The following CYP4F12 variants were observed in gnomAD, a reference collection of about 807,000 sequenced individuals.
CYP4F12 encodes the protein cytochrome P450 family 4 subfamily F member 12.
CYP4F12 carries 60 observed loss-of-function variants against 56.5 expected under a neutral mutation model. The observed-to-expected ratio is 1.06, with a 90% CI of 0.86 to 1.32. The LOEUF (loss-of-function observed/expected upper bound fraction) is 1.32. CYP4F12 is among the 40% of genes most tolerant of loss of function. CYP4F12 has a pLI of 0.00. For synonymous variants in CYP4F12, 263 were observed against 264.9 expected, an observed-to-expected ratio of 0.99 and a Z score of 0.07; for missense variants, 711 against 683.5, an observed-to-expected ratio of 1.04 and a Z score of -0.45.
At chr19:15,690,406 G>A (rs1234150708) in intron 9 of CYP4F12, among the ~76,000 whole-genome samples, 1 of 152,138 alleles carries the variant, frequency 6.6e-6, no homozygotes, top group Non-Finnish European at 1.5e-5. Flanking sequence ...TAGTCACCAT[G>A]CATGCAATAG....
chr19:15,694,272 T>C (rs1175367552), intron 9 of CYP4F12, among the ~76,000 whole-genome samples: 3 of 152,054 alleles, frequency 2.0e-5, no homozygotes, highest in South Asian at 2.1e-4. Context: ...CTATAAATTA[T>C]CTTGGGCAGT....
intron 2 of CYP4F12, among the ~76,000 whole-genome samples, chr19:15,675,479 G>A (rs1254132449): frequency 1.3e-5 from 2 of 152,180 alleles, no homozygotes; most frequent in Non-Finnish European, 2.9e-5. Context: ...GACCAACCAG[G>A]ACACAAAAGG....
intron 5 of CYP4F12, 144 bp downstream of exon 5, chr19:15,680,663 G>A (rs1417189916): frequency 1.8e-6 from 2 of 1,090,536 alleles, no homozygotes; most frequent in Non-Finnish European, 2.7e-6. Flanking sequence ...TCTGTAAAAT[G>A]GGGATGATAA....
At chr19:15,678,777 C>A (rs1377664096) in intron 3 of CYP4F12, among the ~76,000 whole-genome samples, 1 of 152,132 alleles carries the variant, frequency 6.6e-6, no homozygotes, top group African/African-American at 2.4e-5. Flanking sequence ...TATGTCTAGA[C>A]CAATAAGTAG....
intron 6 of CYP4F12, among the ~76,000 whole-genome samples, chr19:15,682,921 A>G (rs76011120): frequency 3.2e-4 from 48 of 152,312 alleles, no homozygotes; most frequent in Non-Finnish European, 5.7e-4. Context: ...TATTTTCAGT[A>G]GAGAGGGGGT....
chr19:15,678,480 C>A (rs1413060249), intron 3 of CYP4F12, 75 bp downstream of exon 3: 46 of 1,564,996 alleles, frequency 2.9e-5, no homozygotes, highest in Non-Finnish European at 3.8e-5. Context: ...CACGTCCCTC[C>A]TTGAGTACTC....
chr19:15,681,299 A>T (rs932947177), intron 5 of CYP4F12: 2 of 152,360 alleles, frequency 1.3e-5, no homozygotes, highest in Non-Finnish European at 2.9e-5. Flanking sequence ...TTGCTGAAAA[A>T]TTACTGTGGA....
chr19:15,694,534 G>A (rs1320827630), intron 9 of CYP4F12, among the ~76,000 whole-genome samples: 1 of 152,152 alleles, frequency 6.6e-6, no homozygotes, highest in Non-Finnish European at 1.5e-5. Context: ...TTTGTCCATT[G>A]ATTTTGTATC....
chr19:15,673,491 G>T, intron 1 of CYP4F12, 38 bp from the exon 2 acceptor site: 1 of 1,569,030 alleles, frequency 6.4e-7, no homozygotes. Flanking sequence ...TCTTCCCTGG[G>T]CCTCAGGTCC....
At position 15,677,208 on chromosome 19, in the gene CYP4F12, CACTT is replaced by C. The variant is rs1262053596; in HGVS notation, c.199-1049_199-1046del. 2.2e-5 allele frequency among the ~76,000 whole-genome samples: 3 copies of C among 133,338 alleles called. 1 individual carries two copies. Among genetic ancestry groups the C allele is most frequent in the Non-Finnish European group, 4.8e-5 (3 of 62,158 alleles). 87.5% of individuals were successfully genotyped at this position (133,338 alleles called of 152,430 possible). Reference sequence around the variant, plus strand: ...ATACCAACTCACTCATTCCTCTCCTCACTTACTCATTCCTCTACCCATTCACTCA... The same window carrying C: ...ATACCAACTCACTCATTCCTCTCCTCACTCATTCCTCTACCCATTCACTCA... On this transcript the variant is annotated intron_variant, in intron 2 of 12. Transcript: ENST00000550308.
rs73926871 is a variant in CYP4F12, at chr19:15,673,102, G to C, written c.-35G>C. 0.012 allele frequency: 4,595 copies of C among 387,644 alleles called. 213 individuals carry two copies. Among genetic ancestry groups the C allele is most frequent in the African/African-American group, 0.09 (4,226 of 47,148 alleles). 24.0% of individuals were successfully genotyped at this position (387,644 alleles called of 1,614,324 possible). Reference sequence around the variant, plus strand: ...AAGACCTCCCAGCAGAAGAGGAGAAGAGGTTGTGTGGGACAAGCTGCTCCC... The same window carrying C: ...AAGACCTCCCAGCAGAAGAGGAGAACAGGTTGTGTGGGACAAGCTGCTCCC... On this transcript the variant is annotated 5_prime_UTR_variant, in exon 1 of 13. Coordinates refer to ENST00000550308, the MANE Select transcript of CYP4F12 (RefSeq NM_023944.4).
At chr19:15,683,027 G>A (rs897598679) in intron 6 of CYP4F12, among the ~76,000 whole-genome samples, 1 of 152,090 alleles carries the variant, frequency 6.6e-6, no homozygotes, top group East Asian at 1.9e-4. Context: ...ATGAGCCACT[G>A]TGCCCAGCTG....
At chr19:15,686,031 T>C (rs1043706742) in intron 9 of CYP4F12, among the ~76,000 whole-genome samples, 1 of 152,174 alleles carries the variant, frequency 6.6e-6, no homozygotes, top group Admixed American at 6.5e-5. Context: ...GAACCCTGCC[T>C]ATGGATGTGT....
Position 15,696,988 on chromosome 19 carries a change from C to T in CYP4F12, c.1478C>T (p.Pro493Leu). Residue 493 changes from proline (P) to leucine (L), a missense_variant, in exon 13 of 13, where the codon CCA (proline) becomes CTA (leucine). Coordinates refer to ENST00000550308, the MANE Select transcript of CYP4F12 (RefSeq NM_023944.4). The part of the protein sequence containing the change: ...ALMLLHFRFL[P>L]DHTEPRRKLE... ...ATGCTGCTGCACTTCCGGTTCCTGC[C>T]AGACCACACTGAGCCCCGCAGGAAG... 6.2e-7 allele frequency: 1 copy of T among 1,614,262 alleles called. No homozygotes were observed. The highest frequency in any genetic ancestry group is 8.5e-7 in the Non-Finnish European group (1 of 1,180,042).
intron 9 of CYP4F12, among the ~76,000 whole-genome samples, chr19:15,688,667 AAG>A (rs760608352): frequency 4.6e-4 from 70 of 152,214 alleles, no homozygotes; most frequent in Admixed American, 2.0e-3. Context: ...ACCAAGCAAA[AAG>A]AAAAAATTTG....
At chr19:15,673,812 T>G in intron 2 of CYP4F12, 85 bp downstream of exon 2, 1 of 1,489,078 alleles carries the variant, frequency 6.7e-7, no homozygotes, top group Non-Finnish European at 9.2e-7. Flanking sequence ...GAGCTAGGTA[T>G]TGATGGTGGC....
At chr19:15,673,400 C>A in intron 1 of CYP4F12, 129 bp from the exon 2 acceptor site, 1 of 1,018,090 alleles carries the variant, frequency 9.8e-7, no homozygotes, top group Non-Finnish European at 1.4e-6. Flanking sequence ...CAGATCTCAG[C>A]CCTCGTTTAC....
intron 6 of CYP4F12, among the ~76,000 whole-genome samples, chr19:15,682,936 C>T (rs1443118951): frequency 6.6e-6 from 1 of 152,120 alleles, no homozygotes; most frequent in Admixed American, 6.6e-5. Context: ...GGGGGTTCAC[C>T]ATGTTGTCCA....
intron 9 of CYP4F12, among the ~76,000 whole-genome samples, chr19:15,693,822 G>T (rs1193620966): frequency 6.8e-6 from 1 of 146,358 alleles, no homozygotes; most frequent in African/African-American, 2.6e-5. Context: ...ATGGTTTTAG[G>T]TCTAACGTTT....
Sources: allele counts gnomAD v4.1 joint callset (sites outside exome capture counted in the v4.1 genomes callset), GRCh38; gene constraint gnomAD v4.1.1; transcripts MANE v1.5; gene names NCBI Gene and HGNC (gene_info 2026-07-23, HGNC 2026-07-21).